The following ZNF846 variants were observed in gnomAD, a reference collection of about 807,000 sequenced individuals.
ZNF846 encodes zinc finger protein 846.
In ZNF846, 15 loss-of-function variants were observed where a neutral mutation model predicts 16.0. The ratio of observed to expected loss-of-function variants is 0.94; its 90% CI spans 0.63 to 1.45. The LOEUF is 1.45. Ranked by LOEUF, ZNF846 falls within the 40% of genes most tolerant of loss-of-function variation. ZNF846 has a pLI of 0.00. For missense variants in ZNF846, 714 were observed against 622.3 expected, an observed-to-expected ratio of 1.15 and a Z score of -1.57; for synonymous variants, 229 against 212.0, an observed-to-expected ratio of 1.08 and a Z score of -0.70.
upstream of ZNF846, among the ~76,000 whole-genome samples, chr19:9,772,615 G>A (rs1465188333): frequency 6.6e-6 from 1 of 151,276 alleles, no homozygotes; most frequent in Non-Finnish European, 1.5e-5. Context: ...AAAAAAAGTG[G>A]TAGAGTACAA....
At chr19:9,785,264 C>T (rs2045546149) in intron 1 of ZNF846, among the ~76,000 whole-genome samples, 1 of 144,156 alleles carries the variant, frequency 6.9e-6, no homozygotes, top group Admixed American at 7.3e-5. Flanking sequence ...GTGGCCCGAT[C>T]TCGGCTCACT....
At chr19:9,758,861 T>A in intron 5 of ZNF846, 97 bp from the exon 6 acceptor site, 1 of 1,012,082 alleles carries the variant, frequency 9.9e-7, no homozygotes, top group South Asian at 1.8e-5. Context: ...GAAATATATT[T>A]AAACATTTTA....
chr19:9,748,811 C>G (rs2045063366), downstream of ZNF846, among the ~76,000 whole-genome samples: 1 of 152,148 alleles, frequency 6.6e-6, no homozygotes, highest in Admixed American at 6.5e-5. Flanking sequence ...GACATACCTT[C>G]TTGCTGGGCC....
intron 1 of ZNF846, among the ~76,000 whole-genome samples, chr19:9,779,401 T>C (rs946123553): frequency 3.9e-5 from 6 of 151,958 alleles, no homozygotes; most frequent in Non-Finnish European, 7.4e-5. Flanking sequence ...CCCAAGTAGC[T>C]GGGATTACAG....
upstream of ZNF846, among the ~76,000 whole-genome samples, chr19:9,771,189 T>A (rs191042955): frequency 2.3e-4 from 35 of 152,228 alleles, no homozygotes; most frequent in Non-Finnish European, 4.6e-4. Flanking sequence ...TGTTTTGTTT[T>A]GTTTTTTCTT....
chr19:9,761,420 G>GTTT (rs2045225860), intron 4 of ZNF846, among the ~76,000 whole-genome samples: 1 of 151,824 alleles, frequency 6.6e-6, no homozygotes, highest in East Asian at 1.9e-4. Flanking sequence ...GTTTTGCAAT[G>GTTT]GTAAAGATAT....
upstream of ZNF846, among the ~76,000 whole-genome samples, chr19:9,773,615 C>G (rs1231879828): frequency 6.6e-6 from 1 of 152,098 alleles, no homozygotes; most frequent in African/African-American, 2.4e-5. Flanking sequence ...AATCCCGTCT[C>G]TATTAAAAAT....
At chr19:9,759,450 AT>A (rs1189280595) in intron 5 of ZNF846, among the ~76,000 whole-genome samples, 4 of 151,578 alleles carry the variant, frequency 2.6e-5, no homozygotes, top group Admixed American at 2.0e-4. Context: ...AAAAAAAAAA[AT>A]AATCAGCCAG....
At chr19:9,778,727 C>T (rs1184490614) in intron 1 of ZNF846, among the ~76,000 whole-genome samples, 1 of 147,184 alleles carries the variant, frequency 6.8e-6, no homozygotes, top group Non-Finnish European at 1.5e-5. Context: ...TGCTTGAACC[C>T]AGGAGGCAGA....
chr19:9,762,027 T>C, intron 4 of ZNF846, 55 bp downstream of exon 4: 6 of 1,427,916 alleles, frequency 4.2e-6, no homozygotes, highest in Non-Finnish European at 5.9e-6. Context: ...ATGTACTGCA[T>C]GTCTCCTAGG....
At chr19:9,775,374 G>A (rs2145300411) in intron 1 of ZNF846, among the ~76,000 whole-genome samples, 1 of 152,076 alleles carries the variant, frequency 6.6e-6, no homozygotes, top group South Asian at 2.1e-4. Context: ...ATACTATAAA[G>A]CCTCTACAAT....
At chr19:9,784,755 G>C (rs746307091) in intron 1 of ZNF846, among the ~76,000 whole-genome samples, 26 of 152,258 alleles carry the variant, frequency 1.7e-4, no homozygotes, top group South Asian at 1.0e-3. Flanking sequence ...ACAGTGCACT[G>C]TGTCCCTGGG....
chr19:9,757,921 T>C (rs767866959), exon 6 of ZNF846: 3 of 1,613,666 alleles, frequency 1.9e-6, no homozygotes, highest in Non-Finnish European at 1.7e-6. Flanking sequence ...GTATGTGTTC[T>C]CATGTGTAAA....
chr19:9,779,430 G>T (rs933287259), intron 1 of ZNF846, among the ~76,000 whole-genome samples: 7 of 150,362 alleles, frequency 4.7e-5, no homozygotes, highest in Admixed American at 3.3e-4. Flanking sequence ...CACCACGCCT[G>T]GCTAATTTTA....
chr19:9,771,363 A>C (rs573651714), upstream of ZNF846, among the ~76,000 whole-genome samples: 2 of 152,228 alleles, frequency 1.3e-5, no homozygotes, highest in East Asian at 3.9e-4. Context: ...TTTTTAGTAG[A>C]GATGGGGTTT....
chr19:9,752,458 A>T (rs2045092173), intron 5 of ZNF846: 2 of 422,174 alleles, frequency 4.7e-6, no homozygotes, highest in South Asian at 3.3e-5. Flanking sequence ...AAAAAAAAAT[A>T]CACAAAATTA....
downstream of ZNF846, among the ~76,000 whole-genome samples, chr19:9,753,219 A>AATTTT: frequency 7.4e-6 from 1 of 134,560 alleles, no homozygotes; most frequent in East Asian, 2.2e-4. Context: ...GAGGAGACAA[A>AATTTT]ATTTATTTAT....
chr19:9,777,179 T>C (rs921109518), intron 1 of ZNF846, among the ~76,000 whole-genome samples: 14 of 141,898 alleles, frequency 9.9e-5, no homozygotes, highest in African/African-American at 2.4e-4. Flanking sequence ...ACACACACAA[T>C]TGGATGGCCA....
chr19:9,770,852 G>C (rs770258406), upstream of ZNF846, among the ~76,000 whole-genome samples: 2 of 151,928 alleles, frequency 1.3e-5, no homozygotes. Flanking sequence ...CTGGGCAACT[G>C]AGCACAACTG....
Sources: allele counts gnomAD v4.1 joint callset (sites outside exome capture counted in the v4.1 genomes callset), GRCh38; gene constraint gnomAD v4.1.1; transcripts MANE v1.5; gene names NCBI Gene and HGNC (gene_info 2026-07-23, HGNC 2026-07-21).